The following RTL6 variants were observed in gnomAD, a reference collection of about 807,000 sequenced individuals.
RTL6 encodes the protein retrotransposon Gag-like protein 6.
In RTL6, 9 loss-of-function variants were observed where a neutral mutation model predicts 12.4. The ratio of observed to expected loss-of-function variants is 0.73; its 90% confidence interval spans 0.44 to 1.27. The LOEUF is 1.27. RTL6 is among the 50% of genes most tolerant of loss of function. RTL6 has a pLI of 0.00. For missense variants in RTL6, 291 were observed against 330.7 expected, an observed-to-expected ratio of 0.88 and a Z score of 0.93; for synonymous variants, 160 against 142.8, an observed-to-expected ratio of 1.12 and a Z score of -0.86.
At position 44,494,713 on chromosome 22, in the gene RTL6, C is replaced by T. The variant is rs1430382713; in HGVS notation, c.*2124G>A. On this transcript the variant is annotated 3_prime_UTR_variant, in exon 2 of 2. Transcript: ENST00000341255. ...GGGAGTGTGTGGACAGGGAGCGTGG[C>T]CGGCCTTTCCTAGGCAGCTGTAGGA... 6.5e-6 allele frequency: 1 copy of T among 152,714 alleles called. No homozygotes were observed. The highest frequency in any genetic ancestry group is 2.1e-4 in the South Asian group (1 of 4,822). The allele number at this position is 152,714 out of a possible 1,614,324, so 9.5% of individuals were successfully genotyped here.
chr22:44,492,726 AG>A lies in RTL6; in HGVS notation c.*4110del, dbSNP rs1296431207. 3.9e-5 allele frequency: 6 copies of A among 152,252 alleles called. No homozygotes were observed. Among genetic ancestry groups the A allele is most frequent in the Non-Finnish European group, 7.3e-5 (5 of 68,040 alleles). The allele number at this position is 152,252 out of a possible 1,614,324, so 9.4% of individuals were successfully genotyped here. A position where few individuals can be genotyped will look rare whatever the true frequency, so the allele number is the denominator to read the frequency against. ...ATGAAAGATGTTCAACCGTGCTAGA[AG>A]TCAGTGAAATGCCAACTGAAACACG... On this transcript the variant is annotated 3_prime_UTR_variant, in exon 2 of 2. Transcript: ENST00000341255.
rs201721044 is a variant in RTL6 at position 44,497,457 on chromosome 22, G to A, written c.100C>T (p.Leu34Phe). ...DVIDTLTSLR[L>F]TNSALRREAS... Reference sequence around the variant, plus strand: ...TCCCGCCTCAGCGCCGAGTTGGTGAGGCGCAGGGAGGTCAGGGTGTCAATA... The same window carrying A: ...TCCCGCCTCAGCGCCGAGTTGGTGAAGCGCAGGGAGGTCAGGGTGTCAATA... Residue 34 changes from leucine to phenylalanine, a missense_variant, in exon 2 of 2, where the codon CTC (leucine) becomes TTC (phenylalanine). By Grantham distance (22) the Leu-to-Phe change is conservative (BLOSUM62 0). Coordinates refer to ENST00000341255, the MANE Select transcript of RTL6 (RefSeq NM_032287.3). The A allele has an allele frequency of 1.9e-6, 3 of 1,614,214 alleles. No individual in the cohort carries two copies. In the Admixed American group the frequency reaches 5.0e-5, roughly 27 times the overall value.
rs1442869427 is a variant in RTL6, at chr22:44,496,190, A to G, written c.*647T>C. The G allele has an allele frequency of 6.6e-6, 1 of 152,482 alleles. No homozygotes were observed. The highest frequency in any genetic ancestry group is 2.4e-5 in the African/African-American group (1 of 41,456). 9.4% of individuals were successfully genotyped at this position (152,482 alleles called of 1,614,324 possible). ...CAGTGAGAGCAGTGGGGCCTCCCAG[A>G]CTGCATATTCATGTGCAGAGTGGAA... On this transcript the variant is annotated 3_prime_UTR_variant, in exon 2 of 2. Transcript: ENST00000341255.
Position 44,493,267 on chromosome 22 carries a change from C to T in RTL6, c.*3570G>A, listed in dbSNP as rs1174351075. 4 of 152,154 alleles carry T rather than the reference C, an allele frequency of 2.6e-5. No individual in the cohort carries two copies. The highest frequency in any genetic ancestry group is 5.9e-5 in the Non-Finnish European group (4 of 68,028). The allele number at this position is 152,154 out of a possible 1,614,324, so 9.4% of individuals were successfully genotyped here. On this transcript the variant is annotated 3_prime_UTR_variant, in exon 2 of 2. Transcript: ENST00000341255. The stretch of plus-strand genomic sequence containing the variant: ...ACACCAAAATGTGATGTTTTATTTC[C>T]TTCTTTCCTCTACTTGCAAAAATTT...
In RTL6 at chr22:44,497,294, G is replaced by A. The variant is rs1310710858; in HGVS notation, c.263C>T (p.Ser88Leu). ...QITPPISSIT[S>L]NGTRPMTTPP... The stretch of plus-strand genomic sequence containing the variant: ...TGTGGTCATGGGTCGAGTCCCGTTT[G>A]AAGTAATTGAGGAGATGGGCGGGGT... The change falls in exon 2 of 2, where the codon TCA (serine) becomes TTA (leucine). Residue 88 changes from serine (S) to leucine (L), a missense_variant. This residue lies in a region of RTL6 where 155 missense variants were observed against 149.2 expected (regional missense o/e 1.04). Transcript: ENST00000341255. 1.9e-6 allele frequency: 3 copies of A among 1,614,172 alleles called. No homozygotes were observed. The highest frequency in any genetic ancestry group is 2.5e-6 in the Non-Finnish European group (3 of 1,179,994).
rs1924495012 is a variant in RTL6 at position 44,497,629 on chromosome 22, G to A, written c.-73C>T. 1 of 1,538,400 alleles carries A rather than the reference G, an allele frequency of 6.5e-7. No individual in the cohort carries two copies. Among genetic ancestry groups the A allele is most frequent in the Admixed American group, 2.0e-5 (1 of 50,648 alleles). On this transcript the variant is annotated 5_prime_UTR_variant, in exon 2 of 2. Coordinates refer to ENST00000341255, the MANE Select transcript of RTL6 (RefSeq NM_032287.3). ...GGGTGTGGTGACCAGGTGGGCCCCT[G>A]TAGAAATGGGGGCAGTGTGGGGTGC... is the stretch of plus-strand genomic sequence containing the variant.
rs749430437 is a variant in RTL6 at position 44,497,129 on chromosome 22, C to T, written c.428G>A (p.Arg143Gln). The T allele has an allele frequency of 3.1e-6, 5 of 1,614,078 alleles. No individual in the cohort carries two copies. Among genetic ancestry groups the T allele is most frequent in the East Asian group, 2.2e-5 (1 of 44,866 alleles). The change falls in exon 2 of 2, where the codon CGA becomes CAA. Residue 143 changes from arginine to glutamine, a missense_variant. Physicochemically the swap from Arg to Gln is conservative, Grantham distance 43. Around this residue, in one of 3 missense-constraint regions of RTL6, gnomAD observed 132 missense variants for 163.9 expected, o/e 0.81. Transcript: ENST00000341255. ...EAERVAFLVS[R>Q]LTGEAEKWAI... ...CCACTTCTCCGCCTCCCCAGTCAGT[C>T]GAGACACAAGGAAGGCCACACGCTC... is the stretch of plus-strand genomic sequence containing the variant.
chr22:44,498,032 G>T lies in RTL6; in HGVS notation c.-256+12C>A, dbSNP rs1049855872. On this transcript the variant is annotated intron_variant, in intron 1 of 1. Coordinates refer to ENST00000341255, the MANE Select transcript of RTL6 (RefSeq NM_032287.3). ...GGGGCCCGGCCGGGCAGGGGGCCGGGGGCACGCGTACCTGGGGTCTCGCGG... is the reference window on the plus strand; with the variant it reads ...GGGGCCCGGCCGGGCAGGGGGCCGGTGGCACGCGTACCTGGGGTCTCGCGG... 14 of 151,518 alleles carry T rather than the reference G, an allele frequency of 9.2e-5. No homozygotes were observed. The highest frequency in any genetic ancestry group is 3.1e-4 in the African/African-American group (13 of 41,344). 9.4% of individuals were successfully genotyped at this position (151,518 alleles called of 1,614,324 possible). A position where few individuals can be genotyped will look rare whatever the true frequency, so the allele number is the denominator to read the frequency against.
Position 44,495,189 on chromosome 22 carries a change from C to T in RTL6, c.*1648G>A, listed in dbSNP as rs1428876890. 2.0e-5 allele frequency: 3 copies of T among 152,590 alleles called. No individual in the cohort carries two copies. 9.5% of individuals were successfully genotyped at this position (152,590 alleles called of 1,614,324 possible). A position where few individuals can be genotyped will look rare whatever the true frequency, so the allele number is the denominator to read the frequency against. Reference sequence around the variant, plus strand: ...AGTGGGTGGCAGTAGTCTGCGGACCCCAGCAACCACTGAATGTCCTTGACC... The same window carrying T: ...AGTGGGTGGCAGTAGTCTGCGGACCTCAGCAACCACTGAATGTCCTTGACC... On this transcript the variant is annotated 3_prime_UTR_variant, in exon 2 of 2. Coordinates refer to ENST00000341255, the MANE Select transcript of RTL6 (RefSeq NM_032287.3).
rs932888202 is a variant in RTL6, at chr22:44,493,270, C to A, written c.*3567G>T. On this transcript the variant is annotated 3_prime_UTR_variant, in exon 2 of 2. Coordinates refer to ENST00000341255, the MANE Select transcript of RTL6 (RefSeq NM_032287.3). ...CCAAAATGTGATGTTTTATTTCCTT[C>A]TTTCCTCTACTTGCAAAAATTTATC... The A allele has an allele frequency of 1.3e-5, 2 of 152,196 alleles. No individual in the cohort carries two copies. The highest frequency in any genetic ancestry group is 6.5e-5 in the Admixed American group (1 of 15,280). The allele number at this position is 152,196 out of a possible 1,614,324, so 9.4% of individuals were successfully genotyped here.
rs1292444785 is a variant in RTL6, at chr22:44,497,229, C to T, written c.328G>A (p.Gly110Ser). ...TGCATCAGGAACCCCGCCAACCGGC[C>T]TGGGTCCCCGGAAAAGGGCTCGGGC... is the stretch of plus-strand genomic sequence containing the variant. ...SLPEPFSGDP[G>S]RLAGFLMQMD... Residue 110 changes from glycine (G) to serine (S), a missense_variant, in exon 2 of 2, where the codon GGC (glycine) becomes AGC (serine). Transcript: ENST00000341255. 6.2e-7 allele frequency: 1 copy of T among 1,614,170 alleles called. No individual in the cohort carries two copies. The highest frequency in any genetic ancestry group is 2.2e-5 in the East Asian group (1 of 44,862).
At position 44,493,059 on chromosome 22, in the gene RTL6, A is replaced by ACCTT. The variant is rs1924346490; in HGVS notation, c.*3777_*3778insAAGG. 1 of 152,226 alleles carries ACCTT rather than the reference A, an allele frequency of 6.6e-6. No homozygotes were observed. Among genetic ancestry groups the ACCTT allele is most frequent in the Non-Finnish European group, 1.5e-5 (1 of 68,048 alleles). 9.4% of individuals were successfully genotyped at this position (152,226 alleles called of 1,614,324 possible). On this transcript the variant is annotated 3_prime_UTR_variant, in exon 2 of 2. Coordinates refer to ENST00000341255, the MANE Select transcript of RTL6 (RefSeq NM_032287.3). ...TGATTGGCAACTGGCACAATGGTCC[A>ACCTT]TCTAGTCAATGGGAGAGTACACAGC...
chr22:44,496,803 G>A lies in RTL6; in HGVS notation c.*34C>T. 1 of 1,526,182 alleles carries A rather than the reference G, an allele frequency of 6.6e-7. No individual in the cohort carries two copies. Among genetic ancestry groups the A allele is most frequent in the Non-Finnish European group, 8.8e-7 (1 of 1,138,526 alleles). The allele number at this position is 1,526,182 out of a possible 1,614,324, so 94.5% of individuals were successfully genotyped here. On this transcript the variant is annotated 3_prime_UTR_variant, in exon 2 of 2. Coordinates refer to ENST00000341255, the MANE Select transcript of RTL6 (RefSeq NM_032287.3). The stretch of plus-strand genomic sequence containing the variant: ...ACAGCAAAGAGCGTATGCTACCTGG[G>A]TGGCTGCAGACGCTACCAAGTGCTG...
rs1397275806 is a variant in RTL6 at position 44,496,962 on chromosome 22, C to G, written c.595G>C (p.Val199Leu). Residue 199 changes from valine (V) to leucine (L), a missense_variant, in exon 2 of 2, where the codon GTG becomes CTG. This residue lies in a region of RTL6 where 132 missense variants were observed against 163.9 expected (regional missense o/e 0.81). Transcript: ENST00000341255. ...CGGCAGAGCATCTGCCTCTCTCGCA[C>G]AGCCCTATTAGAGGCAGAAGTCTTC... ...IRKTSASNRAVRERQMLCRQL... is the reference protein window; with the variant it reads ...IRKTSASNRALRERQMLCRQL... 2.5e-6 allele frequency: 4 copies of G among 1,613,814 alleles called. No individual in the cohort carries two copies. In the East Asian group the frequency reaches 8.9e-5, roughly 36 times the overall value.
Position 44,495,272 on chromosome 22 carries a change from T to G in RTL6, c.*1565A>C, listed in dbSNP as rs1451127722. 6.5e-6 allele frequency: 1 copy of G among 152,682 alleles called. No individual in the cohort carries two copies. The highest frequency in any genetic ancestry group is 1.5e-5 in the Non-Finnish European group (1 of 68,056). 9.5% of individuals were successfully genotyped at this position (152,682 alleles called of 1,614,324 possible). A position where few individuals can be genotyped will look rare whatever the true frequency, so the allele number is the denominator to read the frequency against. ...ACTTTTCCCAGCATCATCAAAACTC[T>G]TAAGAAGCCAGGCCCAAGGACCCAA... On this transcript the variant is annotated 3_prime_UTR_variant, in exon 2 of 2. Coordinates refer to ENST00000341255, the MANE Select transcript of RTL6 (RefSeq NM_032287.3).
At position 44,497,247 on chromosome 22, in the gene RTL6, G is replaced by T. The variant is rs756551840; in HGVS notation, c.310C>A (p.Pro104Thr). The T allele has an allele frequency of 1.9e-6, 3 of 1,614,234 alleles. No individual in the cohort carries two copies. The Admixed American group carries it at 5.0e-5, about 27-fold the overall frequency. ...MTTPPTSLPE[P>T]FSGDPGRLAG... is the part of the protein sequence containing the mutation. ...AACCGGCCTGGGTCCCCGGAAAAGG[G>T]CTCGGGCAGAGAGGTTGGAGGTGTG... Residue 104 changes from proline to threonine, a missense_variant, in exon 2 of 2, where the codon CCC becomes ACC. This residue lies in a region of RTL6 where 155 missense variants were observed against 149.2 expected (regional missense o/e 1.04). Coordinates refer to ENST00000341255, the MANE Select transcript of RTL6 (RefSeq NM_032287.3).
Position 44,496,762 on chromosome 22 carries a change from T to C in RTL6, c.*75A>G. 2 of 1,489,496 alleles carry C rather than the reference T, an allele frequency of 1.3e-6. No individual in the cohort carries two copies. Among genetic ancestry groups the C allele is most frequent in the Non-Finnish European group, 1.8e-6 (2 of 1,115,214 alleles). The allele number at this position is 1,489,496 out of a possible 1,614,324, so 92.3% of individuals were successfully genotyped here. A position where few individuals can be genotyped will look rare whatever the true frequency, so the allele number is the denominator to read the frequency against. ...TTCAAACAGGGGCAAAGCTGTCGTA[T>C]GGGCATTTCTTCTACACAGCAAAGA... On this transcript the variant is annotated 3_prime_UTR_variant, in exon 2 of 2. Transcript: ENST00000341255.
chr22:44,497,625 C>T lies in RTL6; in HGVS notation c.-69G>A. On this transcript the variant is annotated 5_prime_UTR_variant, in exon 2 of 2. Transcript: ENST00000341255. ...AAGAGGGTGTGGTGACCAGGTGGGC[C>T]CCTGTAGAAATGGGGGCAGTGTGGG... The T allele has an allele frequency of 6.5e-7, 1 of 1,549,562 alleles. No individual in the cohort carries two copies. The highest frequency in any genetic ancestry group is 8.7e-7 in the Non-Finnish European group (1 of 1,148,040).
chr22:44,497,753 CT>C lies in RTL6; in HGVS notation c.-198del. ...CTTCGGCCCCGGTCCCACGCGGCTC[CT>C]TTACTGCAGACTTCGCGGACTACGG... On this transcript the variant is annotated 5_prime_UTR_variant, in exon 2 of 2. Coordinates refer to ENST00000341255, the MANE Select transcript of RTL6 (RefSeq NM_032287.3). 1 of 674,160 alleles carries C rather than the reference CT, an allele frequency of 1.5e-6. No homozygotes were observed. Among genetic ancestry groups the C allele is most frequent in the Non-Finnish European group, 2.5e-6 (1 of 394,378 alleles). 41.8% of individuals were successfully genotyped at this position (674,160 alleles called of 1,614,324 possible).
Sources: allele counts gnomAD v4.1 joint callset, GRCh38; gene constraint gnomAD v4.1.1; regional missense constraint gnomAD v4.1.1; transcripts MANE v1.5; gene names NCBI Gene and HGNC (gene_info 2026-07-23, HGNC 2026-07-21).